ZBTB7C: variants seen among roughly 807,000 people sequenced by gnomAD.
ZBTB7C encodes the protein zinc finger and BTB domain containing 7C.
A neutral mutation model predicts 25.7 loss-of-function variants in ZBTB7C; 8 were observed. The ratio of observed to expected loss-of-function variants is 0.31; its 90% CI spans 0.18 to 0.56. The LOEUF (loss-of-function observed/expected upper bound fraction) is 0.56, where lower values mean the gene tolerates loss of function less well. Among genes scored for constraint, ZBTB7C ranks in the 20% least tolerant of loss-of-function variants. ZBTB7C has a pLI of 0.91. For missense variants in ZBTB7C, 824 were observed against 855.2 expected (o/e 0.96, Z 0.46); for synonymous variants, 394 against 369.0 (o/e 1.07, Z -0.78).
At chr18:48,284,751 A>G (rs1273093881) in intron 2 of ZBTB7C, among the ~76,000 whole-genome samples, 2 of 144,864 alleles carry the variant, frequency 1.4e-5, no homozygotes, top group Non-Finnish European at 3.0e-5. Flanking sequence ...AGATCGTACC[A>G]CAGCACTCCA....
intron 4 of ZBTB7C, among the ~76,000 whole-genome samples, chr18:48,034,281 T>C (rs1448295535): frequency 6.6e-6 from 1 of 152,076 alleles, no homozygotes; most frequent in Non-Finnish European, 1.5e-5. Context: ...CCCCCCATGG[T>C]ACGCTGCCCC....
chr18:48,079,816 C>T (rs2037913300), intron 3 of ZBTB7C, among the ~76,000 whole-genome samples: 1 of 152,212 alleles, frequency 6.6e-6, no homozygotes, highest in Non-Finnish European at 1.5e-5. Context: ...TGGGAGGCTA[C>T]AGGGGAGCCG....
chr18:48,240,716 A>G (rs1388197974), intron 2 of ZBTB7C, among the ~76,000 whole-genome samples: 2 of 152,198 alleles, frequency 1.3e-5, no homozygotes, highest in Non-Finnish European at 2.9e-5. Flanking sequence ...TGAAACAAAA[A>G]CCTTGAAATA....
intron 2 of ZBTB7C, among the ~76,000 whole-genome samples, chr18:48,238,645 C>A (rs1599164838): frequency 6.6e-6 from 1 of 151,530 alleles, no homozygotes; most frequent in Non-Finnish European, 1.5e-5. Context: ...CCCAGGGAAG[C>A]CATTTCTGAC....
intron 3 of ZBTB7C, among the ~76,000 whole-genome samples, chr18:48,151,571 C>T (rs1404655505): frequency 6.6e-6 from 1 of 152,106 alleles, no homozygotes; most frequent in Non-Finnish European, 1.5e-5. Flanking sequence ...CGACCTGTGA[C>T]CTGCCCAGAG....
intron 2 of ZBTB7C, among the ~76,000 whole-genome samples, chr18:48,263,661 C>T (rs2044233810): frequency 6.6e-6 from 1 of 150,742 alleles, no homozygotes; most frequent in South Asian, 2.1e-4. Context: ...CTATTCATGT[C>T]CCTGTGGCTC....
chr18:48,187,633 G>A (rs1346213464), intron 2 of ZBTB7C, among the ~76,000 whole-genome samples: 1 of 152,048 alleles, frequency 6.6e-6, no homozygotes, highest in Non-Finnish European at 1.5e-5. Flanking sequence ...CTAACACGGT[G>A]AAACCCCGTC....
chr18:48,276,177 A>C (rs1399635809), intron 2 of ZBTB7C, among the ~76,000 whole-genome samples: 1 of 151,916 alleles, frequency 6.6e-6, no homozygotes, highest in Non-Finnish European at 1.5e-5. Context: ...CCAGTACCTC[A>C]TGAAAAACAA....
intron 3 of ZBTB7C, among the ~76,000 whole-genome samples, chr18:48,132,214 T>G (rs1334622023): frequency 6.6e-6 from 1 of 152,216 alleles, no homozygotes; most frequent in Admixed American, 6.5e-5. Flanking sequence ...ATATGGTGTA[T>G]CTATACAAGG....
At chr18:48,031,688 T>C (rs1170188743) in intron 4 of ZBTB7C, among the ~76,000 whole-genome samples, 4 of 152,242 alleles carry the variant, frequency 2.6e-5, no homozygotes, top group Non-Finnish European at 4.4e-5. Context: ...TTTGCATTTC[T>C]AACCAGTTGC....
intron 4 of ZBTB7C, 91 bp downstream of exon 4, chr18:48,039,807 GTC>G: frequency 7.5e-7 from 1 of 1,331,372 alleles, no homozygotes; most frequent in South Asian, 1.2e-5. Context: ...ATCTATCTGG[GTC>G]TCTGTCTCCA....
intron 3 of ZBTB7C, chr18:48,077,113 T>A: frequency 1.8e-6 from 1 of 549,114 alleles, no homozygotes; most frequent in Non-Finnish European, 2.3e-6. Context: ...TTTCTTATTC[T>A]AAAGGCAATA....
At chr18:48,152,693 C>G (rs2040716086) in intron 3 of ZBTB7C, among the ~76,000 whole-genome samples, 1 of 152,184 alleles carries the variant, frequency 6.6e-6, no homozygotes, top group Non-Finnish European at 1.5e-5. Flanking sequence ...AGTCTTGGTG[C>G]AGTGATGAAG....
At chr18:48,213,939 G>A (rs1266895613) in intron 2 of ZBTB7C, among the ~76,000 whole-genome samples, 1 of 152,184 alleles carries the variant, frequency 6.6e-6, no homozygotes, top group Non-Finnish European at 1.5e-5. Flanking sequence ...CTGTGACAAC[G>A]TGTGTGGCAA....
At chr18:48,144,802 T>A (rs1410777040) in intron 3 of ZBTB7C, among the ~76,000 whole-genome samples, 1 of 152,198 alleles carries the variant, frequency 6.6e-6, no homozygotes, top group Non-Finnish European at 1.5e-5. Context: ...GTTCTACTCC[T>A]GATGAAACCC....
chr18:48,097,406 A>ATTAT (rs2038676688), intron 3 of ZBTB7C, among the ~76,000 whole-genome samples: 1 of 150,580 alleles, frequency 6.6e-6, no homozygotes, highest in African/African-American at 2.4e-5. Context: ...TATTATTATT[A>ATTAT]TTATTATTGA....
chr18:48,314,116 T>TA (rs2045889404), intron 2 of ZBTB7C, among the ~76,000 whole-genome samples: 1 of 152,212 alleles, frequency 6.6e-6, no homozygotes, highest in African/African-American at 2.4e-5. Flanking sequence ...CTGTCTCAGG[T>TA]ATTCCTTCGT....
chr18:48,318,548 C>G (rs1292224910), intron 2 of ZBTB7C, among the ~76,000 whole-genome samples: 2 of 152,196 alleles, frequency 1.3e-5, no homozygotes, highest in African/African-American at 4.8e-5. Context: ...CATCTGCGGC[C>G]CACGTCCTCC....
chr18:48,164,662 C>CT (rs1425240994), intron 3 of ZBTB7C, among the ~76,000 whole-genome samples: 19 of 152,082 alleles, frequency 1.2e-4, no homozygotes, highest in Admixed American at 1.2e-3. Flanking sequence ...TAAGTAAAGG[C>CT]TAGTAAGCCC....
Sources: gnomAD v4.1 joint callset for allele counts (sites outside exome capture counted in the v4.1 genomes callset) on GRCh38, gnomAD v4.1.1 for gene constraint, MANE v1.5 for transcripts, NCBI Gene and HGNC (gene_info 2026-07-23, HGNC 2026-07-21) for gene names.